The following CLEC16A variants were observed in gnomAD, a reference collection of about 807,000 sequenced individuals.
The protein encoded by CLEC16A is C-type lectin domain containing 16A.
A neutral mutation model predicts 109.5 loss-of-function variants in CLEC16A; 51 were observed. The observed-to-expected ratio is 0.47, with a 90% CI of 0.37 to 0.59. CLEC16A has a LOEUF of 0.59. Among genes scored for constraint, CLEC16A ranks in the 20% least tolerant of loss-of-function variants. CLEC16A has a pLI of 0.00. For missense variants in CLEC16A, 1,339 were observed against 1,394.0 expected (o/e 0.96, Z 0.63); for synonymous variants, 673 against 564.2 (o/e 1.19, Z -2.73).
At chr16:11,017,951 C>A (rs914753646) in intron 11 of CLEC16A, among the ~76,000 whole-genome samples, 2 of 151,078 alleles carry the variant, frequency 1.3e-5, no homozygotes, top group African/African-American at 2.4e-5. Context: ...TGAAATCTGC[C>A]CAAAGTGTAG....
chr16:11,002,402 CTG>C (rs1419630762), intron 10 of CLEC16A, among the ~76,000 whole-genome samples: 1 of 152,154 alleles, frequency 6.6e-6, no homozygotes, highest in Non-Finnish European at 1.5e-5. Context: ...GTAGCTGGCA[CTG>C]TTGTTTTGAT....
At chr16:11,162,012 G>A (rs2153088808) in intron 22 of CLEC16A, among the ~76,000 whole-genome samples, 1 of 152,322 alleles carries the variant, frequency 6.6e-6, no homozygotes, top group South Asian at 2.1e-4. Context: ...AAGTCAGTTT[G>A]GGCAGAGCTT....
At chr16:11,017,747 G>A (rs927386241) in intron 11 of CLEC16A, among the ~76,000 whole-genome samples, 3 of 152,070 alleles carry the variant, frequency 2.0e-5, no homozygotes, top group Non-Finnish European at 4.4e-5. Flanking sequence ...TGTAACCCCA[G>A]TCTAAATAGC....
chr16:11,097,555 C>T (rs1309388364), intron 19 of CLEC16A, among the ~76,000 whole-genome samples: 2 of 152,160 alleles, frequency 1.3e-5, no homozygotes, highest in African/African-American at 2.4e-5. Flanking sequence ...AGCACCGACA[C>T]AGAACTGAGT....
At chr16:10,985,937 C>T (rs1450677598) in intron 10 of CLEC16A, among the ~76,000 whole-genome samples, 1 of 148,794 alleles carries the variant, frequency 6.7e-6, no homozygotes. Flanking sequence ...AACTCCTGAG[C>T]TCAACTGATC....
intron 22 of CLEC16A, among the ~76,000 whole-genome samples, chr16:11,138,678 A>G (rs1388472106): frequency 6.6e-6 from 1 of 152,080 alleles, no homozygotes; most frequent in Non-Finnish European, 1.5e-5. Context: ...GTACTATAGG[A>G]TTATATTGCT....
chr16:10,989,932 A>G (rs2043901791), intron 10 of CLEC16A, among the ~76,000 whole-genome samples: 1 of 152,158 alleles, frequency 6.6e-6, no homozygotes, highest in Non-Finnish European at 1.5e-5. Flanking sequence ...CGTGTGCTGA[A>G]TGCATCAGGC....
chr16:11,046,077 C>T (rs915798280), intron 16 of CLEC16A, among the ~76,000 whole-genome samples: 1 of 152,112 alleles, frequency 6.6e-6, no homozygotes, highest in African/African-American at 2.4e-5. Context: ...GCAAAGCCCA[C>T]GAGAAAGCAG....
At chr16:11,154,104 G>A (rs559537900) in intron 22 of CLEC16A, among the ~76,000 whole-genome samples, 12 of 152,346 alleles carry the variant, frequency 7.9e-5, no homozygotes, top group African/African-American at 1.7e-4. Context: ...ACACACATGC[G>A]CAGACAGGGC....
chr16:10,973,323 G>A (rs2042884018), intron 7 of CLEC16A, among the ~76,000 whole-genome samples: 1 of 152,192 alleles, frequency 6.6e-6, no homozygotes, highest in African/African-American at 2.4e-5. Flanking sequence ...TGGTGAGAAG[G>A]TCAAGGGGCT....
intron 19 of CLEC16A, among the ~76,000 whole-genome samples, chr16:11,097,647 T>C (rs1299954948): frequency 1.3e-5 from 2 of 152,194 alleles, no homozygotes; most frequent in Non-Finnish European, 2.9e-5. Context: ...CCGTATTTAC[T>C]GGTGTTTTTT....
chr16:10,995,119 G>C (rs1051966068), intron 10 of CLEC16A, among the ~76,000 whole-genome samples: 1 of 152,090 alleles, frequency 6.6e-6, no homozygotes. Flanking sequence ...GCCATGCTGG[G>C]CACATTTTAA....
chr16:10,960,975 T>C (rs922556879), intron 2 of CLEC16A, among the ~76,000 whole-genome samples: 1 of 152,158 alleles, frequency 6.6e-6, no homozygotes, highest in Non-Finnish European at 1.5e-5. Context: ...CAATCACCCT[T>C]TTTTCCCAAT....
At chr16:11,053,034 G>A (rs1302415639) in intron 18 of CLEC16A, among the ~76,000 whole-genome samples, 4 of 151,844 alleles carry the variant, frequency 2.6e-5, no homozygotes, top group African/African-American at 9.7e-5. Flanking sequence ...GGAACTACAG[G>A]CACAAGCTAC....
At chr16:11,045,099 C>T (rs889741138) in intron 16 of CLEC16A, among the ~76,000 whole-genome samples, 2 of 152,088 alleles carry the variant, frequency 1.3e-5, no homozygotes, top group Non-Finnish European at 2.9e-5. Context: ...AATCCCAGCA[C>T]TTTGGGAGGC....
intron 3 of CLEC16A, among the ~76,000 whole-genome samples, chr16:10,963,736 C>G (rs1379607249): frequency 6.6e-6 from 1 of 152,222 alleles, no homozygotes; most frequent in Non-Finnish European, 1.5e-5. Flanking sequence ...GGCGCCAGCT[C>G]TAGCAAAGCC....
At chr16:11,120,573 G>A (rs1396929014) in intron 19 of CLEC16A, 42 bp from the exon 20 acceptor site, 2 of 1,567,086 alleles carry the variant, frequency 1.3e-6, no homozygotes, top group Non-Finnish European at 1.7e-6. Flanking sequence ...ACCCTGGGCA[G>A]CCAGACTGTG....
chr16:11,082,553 G>C (rs895212301), intron 19 of CLEC16A, among the ~76,000 whole-genome samples: 4 of 152,180 alleles, frequency 2.6e-5, no homozygotes, highest in Non-Finnish European at 4.4e-5. Flanking sequence ...CTGGTGAATT[G>C]GGAATGAGTG....
At chr16:11,177,381 A>T (rs1372995982) in intron 23 of CLEC16A, among the ~76,000 whole-genome samples, 1 of 152,142 alleles carries the variant, frequency 6.6e-6, no homozygotes, top group Non-Finnish European at 1.5e-5. Flanking sequence ...CGGGCGGATC[A>T]CTTGAGGTCA....
Sources: gnomAD v4.1 joint callset for allele counts (sites outside exome capture counted in the v4.1 genomes callset) on GRCh38, gnomAD v4.1.1 for gene constraint, MANE v1.5 for transcripts, NCBI Gene and HGNC (gene_info 2026-07-23, HGNC 2026-07-21) for gene names.